SLC35F4: variants seen among roughly 807,000 people sequenced by gnomAD.
The protein encoded by SLC35F4 is chromosome 14 open reading frame 36.
Under a neutral mutation model 44.2 loss-of-function variants are expected in SLC35F4, and 24 were observed. The observed-to-expected ratio is 0.54, with a 90% CI of 0.39 to 0.76. SLC35F4 has a LOEUF of 0.76. Among genes scored for constraint, SLC35F4 ranks in the 30% least tolerant of loss-of-function variants. The pLI is 0.00. For missense variants in SLC35F4, 562 were observed against 586.1 expected (o/e 0.96, Z 0.42); for synonymous variants, 238 against 223.6 (o/e 1.06, Z -0.57).
chr14:57,941,713 A>T (rs1382204163), intron 1 of SLC35F4, among the ~76,000 whole-genome samples: 1 of 152,234 alleles, frequency 6.6e-6, no homozygotes, highest in Non-Finnish European at 1.5e-5. Context: ...TCAATTTAAA[A>T]AAAAAAGCTT....
rs543660030 is a variant in SLC35F4, at chr14:57,674,011, T to C, written c.104-79887A>G. Among the ~76,000 whole-genome samples the C allele has an allele frequency of 9.9e-5, 15 of 152,238 alleles. No homozygotes were observed. The South Asian group carries it at 3.1e-3, about 32-fold the overall frequency. ...CAAATGACCAGTTATCATACAAATA[T>C]ATTCAGTGTCATTAAGTAATTAGAG... On this transcript the variant is annotated intron_variant, in intron 1 of 7. Coordinates refer to ENST00000556826, the MANE Select transcript of SLC35F4 (RefSeq NM_001306087.2).
intron 1 of SLC35F4, among the ~76,000 whole-genome samples, chr14:57,949,275 T>C (rs1049532883): frequency 6.6e-6 from 1 of 152,228 alleles, no homozygotes; most frequent in Non-Finnish European, 1.5e-5. Context: ...TTTGTCTTTA[T>C]ATAATGTTCC....
chr14:57,685,891 G>C (rs1241972503), intron 1 of SLC35F4, among the ~76,000 whole-genome samples: 1 of 152,090 alleles, frequency 6.6e-6, no homozygotes, highest in Non-Finnish European at 1.5e-5. Flanking sequence ...TGGTGTTCCT[G>C]GTCTTTGGGC....
intron 1 of SLC35F4, among the ~76,000 whole-genome samples, chr14:57,607,996 C>A (rs2071264545): frequency 6.6e-6 from 1 of 152,086 alleles, no homozygotes; most frequent in South Asian, 2.1e-4. Context: ...GAAGGAGGAC[C>A]TGGTTTGTGG....
chr14:57,588,362 T>C (rs1259195339), intron 3 of SLC35F4, among the ~76,000 whole-genome samples: 2 of 152,072 alleles, frequency 1.3e-5, no homozygotes, highest in African/African-American at 4.8e-5. Context: ...TCCCTATTTT[T>C]TTTTCTCCTG....
At chr14:57,961,309 A>G (rs1026556143) in intron 1 of SLC35F4, among the ~76,000 whole-genome samples, 5 of 151,992 alleles carry the variant, frequency 3.3e-5, no homozygotes, top group Admixed American at 6.6e-5. Flanking sequence ...GACACTGAGG[A>G]TATCAGAGGA....
At chr14:57,978,653 G>C (rs1025548125) in intron 1 of SLC35F4, among the ~76,000 whole-genome samples, 1 of 152,138 alleles carries the variant, frequency 6.6e-6, no homozygotes, top group African/African-American at 2.4e-5. Flanking sequence ...CTAATAACTA[G>C]AATACAAAGG....
intron 1 of SLC35F4, among the ~76,000 whole-genome samples, chr14:57,662,097 G>A (rs1249424507): frequency 1.3e-5 from 2 of 152,204 alleles, no homozygotes; most frequent in African/African-American, 2.4e-5. Context: ...GGATTTTGCT[G>A]CCACCATTCA....
chr14:57,696,769 G>T (rs1328960430), intron 1 of SLC35F4, among the ~76,000 whole-genome samples: 3 of 152,168 alleles, frequency 2.0e-5, no homozygotes, highest in African/African-American at 7.2e-5. Flanking sequence ...TCCTTTGCAG[G>T]GACATGGATG....
chr14:57,680,100 T>A (rs375250299), intron 1 of SLC35F4, among the ~76,000 whole-genome samples: 1 of 152,110 alleles, frequency 6.6e-6, no homozygotes, highest in African/African-American at 2.4e-5. Context: ...ATATACCTGA[T>A]GAACATTGAC....
At chr14:57,570,122 T>C in intron 5 of SLC35F4, 142 bp from the exon 6 acceptor site, 1 of 677,840 alleles carries the variant, frequency 1.5e-6, no homozygotes, top group Non-Finnish European at 2.4e-6. Flanking sequence ...CAGCACTAGA[T>C]GGGCTGTTGA....
intron 1 of SLC35F4, among the ~76,000 whole-genome samples, chr14:57,875,856 T>C (rs998263284): frequency 6.6e-6 from 1 of 152,190 alleles, no homozygotes; most frequent in Non-Finnish European, 1.5e-5. Context: ...ATCCAACTAA[T>C]GTAAATCAAT....
Position 57,887,483 on chromosome 14 carries a change from G to T in SLC35F4, n.282+94430C>A, listed in dbSNP as rs11845036. On this transcript the variant is annotated intron_variant and non_coding_transcript_variant, in intron 1 of 1. Coordinates refer to the SLC35F4 transcript ENST00000556568. Reference sequence around the variant, plus strand: ...CATTACCTTGGGAATTGTGCTGTCTGCTAAGACTAAAAACTGAGAAACAGA... The same window carrying T: ...CATTACCTTGGGAATTGTGCTGTCTTCTAAGACTAAAAACTGAGAAACAGA... Among the ~76,000 whole-genome samples the T allele has an allele frequency of 1.5e-3, 221 of 152,284 alleles. 1 individual carries two copies. Among genetic ancestry groups the T allele is most frequent in the African/African-American group, 5.2e-3 (215 of 41,562 alleles).
At chr14:57,802,346 T>G in intron 1 of SLC35F4, among the ~76,000 whole-genome samples, 1 of 152,186 alleles carries the variant, frequency 6.6e-6, no homozygotes, top group Admixed American at 6.5e-5. Context: ...AGAGGGATAC[T>G]TATGCACCAA....
intron 3 of SLC35F4, among the ~76,000 whole-genome samples, chr14:57,581,879 C>T (rs926244486): frequency 3.3e-5 from 5 of 152,132 alleles, no homozygotes; most frequent in African/African-American, 4.8e-5. Context: ...CTGTGCAGCA[C>T]ACATGTTTTT....
rs2068081406 is a variant in SLC35F4 at position 57,564,001 on chromosome 14, T to C, written c.*134A>G. Reference sequence around the variant, plus strand: ...TTGATAAGCATATAAATGTAAACTTTTATTGTTGGCATTATTTCACATATG... The same window carrying C: ...TTGATAAGCATATAAATGTAAACTTCTATTGTTGGCATTATTTCACATATG... On this transcript the variant is annotated 3_prime_UTR_variant, in exon 8 of 8. Coordinates refer to ENST00000556826, the MANE Select transcript of SLC35F4 (RefSeq NM_001306087.2). The C allele has an allele frequency of 1.0e-6, 1 of 974,550 alleles. No homozygotes were observed. Among genetic ancestry groups the C allele is most frequent in the African/African-American group, 1.6e-5 (1 of 60,904 alleles). 60.4% of individuals were successfully genotyped at this position (974,550 alleles called of 1,614,324 possible).
intron 1 of SLC35F4, among the ~76,000 whole-genome samples, chr14:57,911,229 A>G (rs1889210530): frequency 6.6e-6 from 1 of 151,950 alleles, no homozygotes; most frequent in South Asian, 2.1e-4. Flanking sequence ...ATGTAGAAAA[A>G]AGCTATAAAC....
At chr14:57,905,788 T>C (rs1036345309) in intron 1 of SLC35F4, among the ~76,000 whole-genome samples, 2 of 151,250 alleles carry the variant, frequency 1.3e-5, no homozygotes, top group African/African-American at 4.9e-5. Context: ...GAAAAGGAGG[T>C]CAACATGAAA....
chr14:57,782,065 T>G lies in SLC35F4; in HGVS notation c.103+83658A>C, dbSNP rs562188894. On this transcript the variant is annotated intron_variant, in intron 1 of 7. Coordinates refer to ENST00000556826, the MANE Select transcript of SLC35F4 (RefSeq NM_001306087.2). ...GCACATGTACCCCTGAACCTAAAAG[T>G]TTTTTAAAAAGAAAGTAGTACAAGT... Among the ~76,000 whole-genome samples, 6 of 152,240 alleles carry G rather than the reference T, an allele frequency of 3.9e-5. No homozygotes were observed. The South Asian group carries it at 1.0e-3, about 26-fold the overall frequency.
Sources: allele counts gnomAD v4.1 joint callset (sites outside exome capture counted in the v4.1 genomes callset), GRCh38; gene constraint gnomAD v4.1.1; transcripts MANE v1.5; gene names NCBI Gene and HGNC (gene_info 2026-07-23, HGNC 2026-07-21).